The following EPB41L3 variants were observed in gnomAD, a reference collection of about 807,000 sequenced individuals.
The protein encoded by EPB41L3 is erythrocyte membrane protein band 4.1 like 3, also known as band 4.1-like protein 3.
A neutral mutation model predicts 127.1 loss-of-function variants in EPB41L3; 57 were observed. The ratio of observed to expected loss-of-function variants is 0.45; its 90% CI spans 0.36 to 0.56. The LOEUF (loss-of-function observed/expected upper bound fraction) is 0.56, where lower values mean the gene tolerates loss of function less well. Among genes scored for constraint, EPB41L3 ranks in the 20% least tolerant of loss-of-function variants. The probability of loss-of-function intolerance (pLI) is 0.00; values close to 1 mark genes in which losing one functional copy is unlikely to be tolerated. For synonymous variants in EPB41L3, 572 were observed against 549.5 expected, an observed-to-expected ratio of 1.04 and a Z score of -0.57; for missense variants, 1,273 against 1,372.2, an observed-to-expected ratio of 0.93 and a Z score of 1.14.
chr18:5,416,190 G>T lies in EPB41L3; in HGVS notation c.1695C>A (p.Tyr565Ter). The change falls in exon 13 of 23, where the codon TAC (tyrosine) becomes TAA (stop). Residue 565 changes from tyrosine to a stop codon, truncating the protein, a stop_gained. Transcript: ENST00000341928. LOFTEE classifies it high-confidence loss of function. ...TAAAAGCCACATCTTGATCCCCTAG[G>T]TAAGGCCTCCCTGGGCCATCAGAGT... ...ALDSDGPGRP[Y>*]LGDQDVAFSY... The T allele has an allele frequency of 6.2e-7, 1 of 1,614,122 alleles. No individual in the cohort carries two copies. Among genetic ancestry groups the T allele is most frequent in the Non-Finnish European group, 8.5e-7 (1 of 1,180,010 alleles).
intron 1 of EPB41L3, among the ~76,000 whole-genome samples, chr18:5,525,472 T>A (rs749714639): frequency 9.8e-5 from 15 of 152,336 alleles, no homozygotes; most frequent in Non-Finnish European, 2.2e-4. Context: ...AGTATTACTA[T>A]GCACACTTTA....
At chr18:5,479,979 T>G (rs2088087950) in intron 2 of EPB41L3, 1 of 152,226 alleles carries the variant, frequency 6.6e-6, no homozygotes, top group Admixed American at 6.5e-5. Context: ...CTTTATAACT[T>G]ACACAAATTA....
Position 5,543,709 on chromosome 18 carries a change from G to A in EPB41L3, c.-12+204C>T, listed in dbSNP as rs1368676806. Among the ~76,000 whole-genome samples the A allele has an allele frequency of 6.8e-6, 1 of 146,998 alleles. No homozygotes were observed. The highest frequency in any genetic ancestry group is 1.5e-5 in the Non-Finnish European group (1 of 66,154). ...GCGCGGCGCGCAGGCTCGGCCCGGT[G>A]GGGGTCCCGGCGAGCGGGAGGGCGG... On this transcript the variant is annotated intron_variant, in intron 1 of 22. Transcript: ENST00000341928. This position sits in a 1 kb window ranked among gnomAD's most constrained non-coding sequence, Gnocchi z 5.2.
chr18:5,401,776 T>C (rs1032118915), intron 16 of EPB41L3, among the ~76,000 whole-genome samples: 2 of 152,140 alleles, frequency 1.3e-5, no homozygotes, highest in Non-Finnish European at 2.9e-5. Flanking sequence ...TTTAACTTCT[T>C]TTTATTTTTT....
chr18:5,589,293 T>C (rs1033232978), intron 3 of EPB41L3, among the ~76,000 whole-genome samples: 11 of 151,768 alleles, frequency 7.2e-5, no homozygotes, highest in African/African-American at 2.7e-4. Flanking sequence ...CAGGTAACAC[T>C]CCCCACCACC....
chr18:5,539,835 G>A (rs1392169446), intron 1 of EPB41L3: 9 of 152,138 alleles, frequency 5.9e-5, no homozygotes, highest in African/African-American at 2.2e-4. Context: ...GGATTAAAAT[G>A]CTAAATTATA....
chr18:5,560,937 GTAATTATT>G (rs1490464937), intron 3 of EPB41L3, among the ~76,000 whole-genome samples: 1 of 145,650 alleles, frequency 6.9e-6, no homozygotes, highest in African/African-American at 2.6e-5. Flanking sequence ...ATTCATAGTT[GTAATTATT>G]TATTTATTTA....
chr18:5,538,382 A>G (rs2093630975), intron 1 of EPB41L3, among the ~76,000 whole-genome samples: 1 of 152,248 alleles, frequency 6.6e-6, no homozygotes, highest in Non-Finnish European at 1.5e-5. Flanking sequence ...GCATATTCAC[A>G]AACAATGAAT....
At chr18:5,539,334 ATTAAG>A (rs1162300804) in intron 1 of EPB41L3, among the ~76,000 whole-genome samples, 6 of 152,154 alleles carry the variant, frequency 3.9e-5, no homozygotes, top group Non-Finnish European at 8.8e-5. Flanking sequence ...CAATCTAAAA[ATTAAG>A]TTGTCAGCTT....
intron 1 of EPB41L3, among the ~76,000 whole-genome samples, chr18:5,492,895 T>C (rs1392638889): frequency 6.6e-6 from 1 of 152,180 alleles, no homozygotes; most frequent in Non-Finnish European, 1.5e-5. Context: ...CTCAGGAATA[T>C]ATTTATTAAA....
upstream of EPB41L3, among the ~76,000 whole-genome samples, chr18:5,548,585 G>A (rs2093918955): frequency 6.6e-6 from 1 of 152,062 alleles, no homozygotes; most frequent in Non-Finnish European, 1.5e-5. Context: ...TAGTATGTAA[G>A]TTTTATTGTA....
rs577105153 is a variant in EPB41L3, at chr18:5,571,494, G to T, written c.-306+40846C>A. On this transcript the variant is annotated intron_variant, in intron 3 of 21. Coordinates refer to the EPB41L3 transcript ENST00000545076. ...CACAGTTTAAGACTTCTCCAGTGGG[G>T]ATAGCACAATAGGCTTTCATGGCAT... Among the ~76,000 whole-genome samples, 118 of 152,326 alleles carry T rather than the reference G, an allele frequency of 7.7e-4. 1 individual carries two copies. The South Asian group carries it at 0.013, about 17-fold the overall frequency.
chr18:5,496,002 C>T lies in EPB41L3; in HGVS notation c.-11-6808G>A, dbSNP rs78400203. On this transcript the variant is annotated intron_variant, in intron 1 of 22. Coordinates refer to ENST00000341928, the MANE Select transcript of EPB41L3 (RefSeq NM_012307.5). ...TAGCAAGCACAGACCTCTCCCACCA[C>T]TGTGTGGGTCAGGCTGAAGGCTTCA... 2.0e-3 allele frequency among the ~76,000 whole-genome samples: 307 copies of T among 152,316 alleles called. 4 individuals are homozygous for T. The highest frequency in any genetic ancestry group is 0.012 in the Admixed American group (190 of 15,298).
chr18:5,536,042 A>G (rs941551754), intron 1 of EPB41L3, among the ~76,000 whole-genome samples: 10 of 152,260 alleles, frequency 6.6e-5, no homozygotes, highest in African/African-American at 2.4e-4. Context: ...GAGGCATGCC[A>G]AGAGGCACAT....
At chr18:5,508,462 C>G (rs931850115) in intron 1 of EPB41L3, among the ~76,000 whole-genome samples, 19 of 152,246 alleles carry the variant, frequency 1.2e-4, no homozygotes, top group South Asian at 2.1e-4. Flanking sequence ...GTATCTGCTT[C>G]TTATGTATAA....
intron 3 of EPB41L3, among the ~76,000 whole-genome samples, chr18:5,469,174 G>A (rs1470486393): frequency 1.3e-5 from 2 of 152,064 alleles, no homozygotes; most frequent in Non-Finnish European, 2.9e-5. Context: ...CCTATTCCTC[G>A]CCACACTGGG....
rs754423676 is a variant in EPB41L3 at position 5,530,580 on chromosome 18, G to A, written c.-12+13333C>T. ...ACTGCCCTCGGAGCCCATCTTACTC[G>A]TCAGCCACACGAATGTCTCCCTCTT... is the stretch of plus-strand genomic sequence containing the variant. On this transcript the variant is annotated intron_variant, in intron 1 of 22. Transcript: ENST00000341928. Among the ~76,000 whole-genome samples the A allele has an allele frequency of 5.9e-5, 9 of 151,884 alleles. 1 individual carries two copies. Among genetic ancestry groups the A allele is most frequent in the African/African-American group, 1.9e-4 (8 of 41,332 alleles).
chr18:5,393,606 C>A (rs72865100), intron 22 of EPB41L3, 128 bp from the exon 23 acceptor site: 2 of 587,812 alleles, frequency 3.4e-6, no homozygotes, highest in African/African-American at 1.9e-5. Flanking sequence ...GACATTCCAG[C>A]GTTAAGTCAC....
upstream of EPB41L3, among the ~76,000 whole-genome samples, chr18:5,546,541 C>CA (rs1256355604): frequency 1.3e-5 from 2 of 152,030 alleles, no homozygotes; most frequent in Admixed American, 1.3e-4. Context: ...AAAACTACAA[C>CA]AACAAACAAA....
Sources: allele counts gnomAD v4.1 joint callset (sites outside exome capture counted in the v4.1 genomes callset), GRCh38; gene constraint gnomAD v4.1.1; non-coding constraint Gnocchi (gnomAD v3.1); transcripts MANE v1.5; gene names NCBI Gene and HGNC (gene_info 2026-07-23, HGNC 2026-07-21).